Variants in GLRA2 observed in about 807,000 individuals in gnomAD.
GLRA2 encodes glycine receptor subunit alpha-2.
GLRA2 carries 11 observed loss-of-function variants against 31.6 expected under a neutral mutation model. The observed-to-expected ratio is 0.35, with a 90% CI of 0.22 to 0.58. The LOEUF (loss-of-function observed/expected upper bound fraction) is 0.58. Ranked by LOEUF, GLRA2 falls within the 20% of genes least tolerant of loss-of-function variation. The probability of loss-of-function intolerance (pLI) is 0.84; values close to 1 mark genes in which losing one functional copy is unlikely to be tolerated. For missense variants in GLRA2, 212 were observed against 351.8 expected, an observed-to-expected ratio of 0.60 and a Z score of 3.18; for synonymous variants, 132 against 134.0, an observed-to-expected ratio of 0.99 and a Z score of 0.10.
At chrX:14,623,484 G>C (rs1230128898) in intron 7 of GLRA2, among the ~76,000 whole-genome samples, 5 of 111,010 alleles carry the variant, frequency 4.5e-5, no homozygotes, top group Non-Finnish European at 9.4e-5. Flanking sequence ...TTGGCTGTGG[G>C]TTTGTCATAA....
At chrX:14,480,722 C>T in the GLRA2 span, among the ~76,000 whole-genome samples, 1 of 111,317 alleles carries the variant, frequency 9.0e-6, no homozygotes, top group Non-Finnish European at 1.9e-5. Context: ...GTCTATGTGT[C>T]TGTTTTTGTA....
intron 8 of GLRA2, among the ~76,000 whole-genome samples, chrX:14,708,680 T>G (rs1601871093): frequency 8.9e-6 from 1 of 111,807 alleles, no homozygotes; most frequent in East Asian, 2.8e-4. Flanking sequence ...CTCACGTCTG[T>G]AATCCCAGCA....
intron 2 of GLRA2, among the ~76,000 whole-genome samples, chrX:14,554,497 A>G (rs1017853759): frequency 1.8e-5 from 2 of 111,713 alleles, no homozygotes; most frequent in Non-Finnish European, 3.8e-5. Flanking sequence ...CTGGCAGTGC[A>G]GTGGCCTTGA....
chrX:14,536,117 A>G (rs911794368), intron 2 of GLRA2, among the ~76,000 whole-genome samples: 2 of 111,831 alleles, frequency 1.8e-5, no homozygotes, highest in African/African-American at 6.5e-5. Context: ...CTAGAGACCT[A>G]AGTTAGAAAG....
chrX:14,581,518 T>C, intron 4 of GLRA2, 112 bp downstream of exon 4: 1 of 481,523 alleles, frequency 2.1e-6, no homozygotes, highest in South Asian at 3.1e-5. Flanking sequence ...TGGTTTCTTG[T>C]TTATCATTTG....
At chrX:14,505,751 A>G in the GLRA2 span, among the ~76,000 whole-genome samples, 2 of 111,837 alleles carry the variant, frequency 1.8e-5, no homozygotes, top group Admixed American at 1.9e-4. Context: ...AACCTTACCC[A>G]GAAATGAATA....
At chrX:14,463,605 T>C in the GLRA2 span, among the ~76,000 whole-genome samples, 1 of 111,104 alleles carries the variant, frequency 9.0e-6, no homozygotes, top group Non-Finnish European at 1.9e-5. Context: ...GCCAAGCTCC[T>C]GTGTCCCAGG....
At chrX:14,504,527 A>G in the GLRA2 span, among the ~76,000 whole-genome samples, 1 of 111,883 alleles carries the variant, frequency 8.9e-6, no homozygotes, top group South Asian at 3.7e-4. Flanking sequence ...TGAGCAGAGC[A>G]AAGTCCACAA....
chrX:14,621,367 T>TC (rs1275358184), intron 7 of GLRA2, among the ~76,000 whole-genome samples: 1 of 110,033 alleles, frequency 9.1e-6, no homozygotes, highest in Non-Finnish European at 1.9e-5. Context: ...GATTATTTGT[T>TC]CTTTTTTTTT....
chrX:14,580,708 T>C (rs778052247), intron 3 of GLRA2, among the ~76,000 whole-genome samples: 1 of 112,216 alleles, frequency 8.9e-6, no homozygotes, highest in African/African-American at 3.2e-5. Context: ...TGCCCCATCA[T>C]GTCATAGTTT....
intron 7 of GLRA2, among the ~76,000 whole-genome samples, chrX:14,641,383 T>G (rs2090771049): frequency 8.9e-6 from 1 of 111,830 alleles, no homozygotes; most frequent in African/African-American, 3.3e-5. Flanking sequence ...AAAGGACCAT[T>G]TTTTCAAGAG....
chrX:14,723,122 TAC>T (rs1039636378), intron 8 of GLRA2, among the ~76,000 whole-genome samples: 1 of 112,237 alleles, frequency 8.9e-6, no homozygotes, highest in Non-Finnish European at 1.9e-5. Flanking sequence ...CTCTCTGAGT[TAC>T]AGACTGTCCA....
chrX:14,483,314 G>A, the GLRA2 span, among the ~76,000 whole-genome samples: 30 of 111,920 alleles, frequency 2.7e-4, 1 homozygote, highest in South Asian at 9.7e-3. Flanking sequence ...GCAGATTTTA[G>A]AGCAGGATGG....
At chrX:14,687,420 C>A (rs2091291316) in intron 7 of GLRA2, among the ~76,000 whole-genome samples, 1 of 112,061 alleles carries the variant, frequency 8.9e-6, no homozygotes, top group African/African-American at 3.2e-5. Context: ...GTTCCATTAT[C>A]CTCGTCACTT....
At chrX:14,533,206 A>G (rs923360406) in intron 2 of GLRA2, among the ~76,000 whole-genome samples, 1 of 110,398 alleles carries the variant, frequency 9.1e-6, no homozygotes, top group Non-Finnish European at 1.9e-5. Context: ...AACATAATGC[A>G]TTGTGAAGTG....
At chrX:14,484,591 G>A in the GLRA2 span, among the ~76,000 whole-genome samples, 29 of 111,952 alleles carry the variant, frequency 2.6e-4, no homozygotes, top group African/African-American at 6.8e-4. Flanking sequence ...AAAGTCTTTC[G>A]GTTAGACATT....
At position 14,709,192 on chromosome X, in the gene GLRA2, G is replaced by A. The variant is rs996428612; in HGVS notation, c.1080+18333G>A. Among the ~76,000 whole-genome samples, 7 of 110,926 alleles carry A rather than the reference G, an allele frequency of 6.3e-5. No homozygotes were observed. The South Asian group carries it at 2.3e-3, about 36-fold the overall frequency. ...AAGGCTGCAGTGAGCTATGATCACG[G>A]CACTGCACTGCAGCCCGGACAACAG... is the stretch of plus-strand genomic sequence containing the variant. On this transcript the variant is annotated intron_variant, in intron 8 of 8. Transcript: ENST00000218075.
At chrX:14,670,849 T>C (rs751880949) in intron 7 of GLRA2, among the ~76,000 whole-genome samples, 1 of 111,639 alleles carries the variant, frequency 9.0e-6, no homozygotes, top group Non-Finnish European at 1.9e-5. Context: ...GCTCAAAATG[T>C]AACTGTGACT....
chrX:14,539,190 G>A (rs762451682), intron 2 of GLRA2, among the ~76,000 whole-genome samples: 82 of 110,778 alleles, frequency 7.4e-4, no homozygotes, highest in African/African-American at 2.6e-3. Flanking sequence ...AAAAAAATAA[G>A]TCATTAGTTT....
Sources: allele counts gnomAD v4.1 joint callset (sites outside exome capture counted in the v4.1 genomes callset), GRCh38; gene constraint gnomAD v4.1.1; transcripts MANE v1.5; gene names NCBI Gene and HGNC (gene_info 2026-07-23, HGNC 2026-07-21).